Variants in ZFPM1 observed in about 807,000 individuals in gnomAD.
The protein encoded by ZFPM1 is zinc finger protein ZFPM1.
In ZFPM1, 28 loss-of-function variants were observed where a neutral mutation model predicts 46.3. The observed-to-expected ratio is 0.60, with a 90% confidence interval of 0.45 to 0.83. The LOEUF is 0.83. Among genes scored for constraint, ZFPM1 ranks in the 40% least tolerant of loss-of-function variants. The pLI is 0.00. For missense variants in ZFPM1, 1,878 were observed against 1,432.4 expected (o/e 1.31, Z -5.02); for synonymous variants, 957 against 675.9 (o/e 1.42, Z -6.45).
chr16:88,471,875 C>T lies in ZFPM1; in HGVS notation c.41-14064C>T, dbSNP rs962829222. 3.9e-5 allele frequency among the ~76,000 whole-genome samples: 6 copies of T among 152,248 alleles called. No homozygotes were observed. Among genetic ancestry groups the T allele is most frequent in the African/African-American group, 1.4e-4 (6 of 41,462 alleles). Reference sequence around the variant, plus strand: ...CTCTGGGCCTCCGGCTGGCTGTGCACCATGTTCCACTGGGTTATTCCTGAG... The same window carrying T: ...CTCTGGGCCTCCGGCTGGCTGTGCATCATGTTCCACTGGGTTATTCCTGAG... On this transcript the variant is annotated intron_variant, in intron 1 of 9. Transcript: ENST00000319555. This position sits in a 1 kb window ranked among gnomAD's most constrained non-coding sequence, Gnocchi z 4.1.
intron 5 of ZFPM1, 46 bp downstream of exon 5, chr16:88,526,962 G>A (rs756028396): frequency 1.3e-6 from 2 of 1,529,206 alleles, no homozygotes; most frequent in Non-Finnish European, 8.8e-7. Context: ...CGGAAGGTGG[G>A]GGTCACTTGG....
At chr16:88,454,982 C>T (rs1907471230) in intron 1 of ZFPM1, among the ~76,000 whole-genome samples, 1 of 152,198 alleles carries the variant, frequency 6.6e-6, no homozygotes, top group Admixed American at 6.5e-5. Context: ...TCCCGTAACC[C>T]AACTCCCTCA....
At chr16:88,491,055 G>C (rs530683559) in intron 3 of ZFPM1, among the ~76,000 whole-genome samples, 1 of 146,630 alleles carries the variant, frequency 6.8e-6, no homozygotes, top group Non-Finnish European at 1.5e-5. Flanking sequence ...CGGGGGTCTC[G>C]GTCAGGCGCT....
intron 3 of ZFPM1, among the ~76,000 whole-genome samples, chr16:88,506,538 C>G (rs55792512): frequency 6.6e-6 from 1 of 152,136 alleles, no homozygotes; most frequent in South Asian, 2.1e-4. Context: ...ACTGAGTGTG[C>G]GTCCGCAGAG....
intron 3 of ZFPM1, among the ~76,000 whole-genome samples, chr16:88,503,237 G>T (rs1420794126): frequency 7.0e-6 from 1 of 142,328 alleles, no homozygotes; most frequent in East Asian, 2.1e-4. Flanking sequence ...AGGGGCCCAC[G>T]GTTCCTGAGT....
chr16:88,535,124 C>G lies in ZFPM1; in HGVS notation c.*145C>G. 2 of 1,033,098 alleles carry G rather than the reference C, an allele frequency of 1.9e-6. No homozygotes were observed. The highest frequency in any genetic ancestry group is 1.7e-5 in the African/African-American group (1 of 60,092). The allele number at this position is 1,033,098 out of a possible 1,614,324, so 64.0% of individuals were successfully genotyped here. ...GGGGGCCGCAGGGGGCAGCGCCCGCCTGGACCCTTGGCACTTAATAAAGAA... is the reference window on the plus strand; with the variant it reads ...GGGGGCCGCAGGGGGCAGCGCCCGCGTGGACCCTTGGCACTTAATAAAGAA... On this transcript the variant is annotated 3_prime_UTR_variant, in exon 10 of 10. Coordinates refer to ENST00000319555, the MANE Select transcript of ZFPM1 (RefSeq NM_153813.3).
chr16:88,461,260 A>G, intron 1 of ZFPM1, among the ~76,000 whole-genome samples: 1 of 146,824 alleles, frequency 6.8e-6, no homozygotes. Flanking sequence ...GGCCCTGGTG[A>G]GGACCGACGG....
intron 1 of ZFPM1, among the ~76,000 whole-genome samples, chr16:88,458,489 G>A (rs1907656690): frequency 6.6e-6 from 1 of 152,348 alleles, no homozygotes. Context: ...GAGAAGAAAG[G>A]AGGAGGGAAT....
chr16:88,476,950 C>T (rs1329537398), intron 1 of ZFPM1, among the ~76,000 whole-genome samples: 4 of 152,268 alleles, frequency 2.6e-5, no homozygotes, highest in African/African-American at 7.2e-5. Context: ...GCAGTGCTTA[C>T]GCTAGACACA....
chr16:88,506,392 A>G lies in ZFPM1; in HGVS notation c.269-7995A>G, dbSNP rs367929674. Among the ~76,000 whole-genome samples the G allele has an allele frequency of 1.9e-4, 28 of 149,340 alleles. No homozygotes were observed. In the East Asian group the frequency reaches 5.6e-3, roughly 30 times the overall value. ...GGCAGGGCGCTGGGGGGCCTTAGGC[A>G]GGCCCCTCCTTTGTTTCCCCTCAGT... On this transcript the variant is annotated intron_variant, in intron 3 of 9. Coordinates refer to ENST00000319555, the MANE Select transcript of ZFPM1 (RefSeq NM_153813.3).
At chr16:88,514,262 C>T in intron 3 of ZFPM1, 125 bp from the exon 4 acceptor site, 1 of 1,461,350 alleles carries the variant, frequency 6.8e-7, no homozygotes. Flanking sequence ...CTGCCCGGCC[C>T]CTGCCATTCA....
At chr16:88,455,132 G>GTGT (rs1907479648) in intron 1 of ZFPM1, among the ~76,000 whole-genome samples, 1 of 141,674 alleles carries the variant, frequency 7.1e-6, no homozygotes, top group Non-Finnish European at 1.5e-5. Flanking sequence ...TCGGTTCTGG[G>GTGT]GTGTGTGTGT....
At chr16:88,495,228 G>A (rs1373364982) in intron 3 of ZFPM1, among the ~76,000 whole-genome samples, 3 of 152,232 alleles carry the variant, frequency 2.0e-5, no homozygotes, top group African/African-American at 7.2e-5. Flanking sequence ...GGCCCTGTGT[G>A]GTCGTCTGCC....
intron 1 of ZFPM1, among the ~76,000 whole-genome samples, chr16:88,461,757 C>A (rs984265289): frequency 3.0e-4 from 46 of 152,156 alleles, no homozygotes; most frequent in African/African-American, 1.1e-3. Flanking sequence ...CCTGAGTGTG[C>A]CACGCCCTGG....
intron 1 of ZFPM1, among the ~76,000 whole-genome samples, chr16:88,464,801 C>T (rs1183982121): frequency 6.6e-6 from 1 of 152,064 alleles, no homozygotes; most frequent in Non-Finnish European, 1.5e-5. Context: ...CATTACTGCG[C>T]CAAGATGGTG....
chr16:88,507,963 G>C (rs997989199), intron 3 of ZFPM1, among the ~76,000 whole-genome samples: 3 of 152,182 alleles, frequency 2.0e-5, no homozygotes, highest in Non-Finnish European at 4.4e-5. Flanking sequence ...CTAAAAAGGG[G>C]ATCACAGGAA....
intron 1 of ZFPM1, among the ~76,000 whole-genome samples, chr16:88,473,112 C>G (rs553813251): frequency 6.6e-6 from 1 of 152,390 alleles, no homozygotes; most frequent in South Asian, 2.1e-4. Context: ...GCTTTGCTGC[C>G]TGAGACCCTG....
At chr16:88,529,743 G>A (rs1279929909) in intron 6 of ZFPM1, among the ~76,000 whole-genome samples, 1 of 152,184 alleles carries the variant, frequency 6.6e-6, no homozygotes, top group Non-Finnish European at 1.5e-5. Flanking sequence ...AATGACTACT[G>A]GTCCTGACAG....
At chr16:88,460,977 CGAGGGGAGGGG>C (rs1567525480) in intron 1 of ZFPM1, among the ~76,000 whole-genome samples, 7 of 14,768 alleles carry the variant, frequency 4.7e-4, no homozygotes, top group Admixed American at 8.4e-4. Context: ...TGGTGAGGAC[CGAGGGGAGGGG>C]CGGGAGGCCT....
Sources: gnomAD v4.1 joint callset for allele counts (sites outside exome capture counted in the v4.1 genomes callset) on GRCh38, gnomAD v4.1.1 for gene constraint, Gnocchi (gnomAD v3.1) non-coding constraint, MANE v1.5 for transcripts, NCBI Gene and HGNC (gene_info 2026-07-23, HGNC 2026-07-21) for gene names.